ATP13A4: variants seen among roughly 807,000 people sequenced by gnomAD.
ATP13A4 encodes probable cation-transporting ATPase 13A4.
In ATP13A4, 114 loss-of-function variants were observed where a neutral mutation model predicts 142.5. That is an observed-to-expected ratio of 0.80 (90% CI 0.69 to 0.93). ATP13A4 has a LOEUF of 0.93. Ranked by LOEUF, ATP13A4 falls within the 40% of genes least tolerant of loss-of-function variation. The pLI is 0.00. For missense variants in ATP13A4, 1,392 were observed against 1,454.0 expected (o/e 0.96, Z 0.69); for synonymous variants, 488 against 514.8 (o/e 0.95, Z 0.70).
At chr3:193,531,909 T>C (rs1373277952) in intron 1 of ATP13A4, among the ~76,000 whole-genome samples, 1 of 152,222 alleles carries the variant, frequency 6.6e-6, no homozygotes, top group East Asian at 1.9e-4. Context: ...GAAACAGCTT[T>C]ACCCACTAGG....
intron 26 of ATP13A4, 47 bp downstream of exon 26, chr3:193,414,532 G>T (rs531709940): frequency 7.5e-6 from 12 of 1,601,254 alleles, no homozygotes; most frequent in Non-Finnish European, 9.4e-6. Context: ...GAGGATGTTT[G>T]ATAGAAATTA....
chr3:193,491,083 C>G (rs1380571465), intron 6 of ATP13A4, among the ~76,000 whole-genome samples: 2 of 152,126 alleles, frequency 1.3e-5, no homozygotes, highest in African/African-American at 4.8e-5. Flanking sequence ...ACATTATATT[C>G]ATCCAGCCAT....
chr3:193,417,844 C>T lies in ATP13A4; in HGVS notation c.2843-3094G>A, dbSNP rs535316585. Among the ~76,000 whole-genome samples, 254 of 147,534 alleles carry T rather than the reference C, an allele frequency of 1.7e-3. 16 individuals are homozygous for T. The highest frequency in any genetic ancestry group is 4.4e-3 in the African/African-American group (174 of 39,438). ...ACTAAAAATACAAAAAATTAGCGGC[C>T]GGGCGCGGTGGCTCACGCCTGTAAT... On this transcript the variant is annotated intron_variant, in intron 25 of 29. Transcript: ENST00000342695.
Position 193,414,706 on chromosome 3 carries a change from C to A in ATP13A4, c.2887G>T (p.Ala963Ser), listed in dbSNP as rs1311232540. Residue 963 changes from alanine to serine, a missense_variant, in exon 26 of 30, where the codon GCA (alanine) becomes TCA (serine). Coordinates refer to ENST00000342695, the MANE Select transcript of ATP13A4 (RefSeq NM_032279.4). Reference sequence around the variant, plus strand: ...AGAGGTGGAGAGATCAGCCGTCCTGCAGGTCTGAAAGGCACCAGCTTAGGG... The same window carrying A: ...AGAGGTGGAGAGATCAGCCGTCCTGAAGGTCTGAAAGGCACCAGCTTAGGG... ...AYPKLVPFRP[A>S]GRLISPPLLL... 4 of 1,614,008 alleles carry A rather than the reference C, an allele frequency of 2.5e-6. No homozygotes were observed. The African/African-American group carries it at 5.3e-5, about 22-fold the overall frequency.
intron 7 of ATP13A4, 109 bp from the exon 8 acceptor site, chr3:193,484,114 G>T: frequency 1.1e-6 from 1 of 928,620 alleles, no homozygotes; most frequent in Non-Finnish European, 1.8e-6. Flanking sequence ...ACTGCCAGTT[G>T]AATGGAATGT....
intron 1 of ATP13A4, among the ~76,000 whole-genome samples, chr3:193,590,468 T>A (rs903585889): frequency 2.0e-5 from 3 of 152,158 alleles, no homozygotes; most frequent in African/African-American, 7.2e-5. Context: ...TCTGGCCACA[T>A]TGATTCCTGA....
chr3:193,570,195 T>A (rs114929878), intron 2 of ATP13A4, among the ~76,000 whole-genome samples: 11 of 151,972 alleles, frequency 7.2e-5, no homozygotes, highest in South Asian at 2.1e-4. Context: ...CACCTGTAAT[T>A]CCGGCTACTC....
chr3:193,568,855 T>C (rs768689543), intron 2 of ATP13A4, among the ~76,000 whole-genome samples: 66 of 152,222 alleles, frequency 4.3e-4, no homozygotes, highest in Non-Finnish European at 7.6e-4. Flanking sequence ...AATATCAGTA[T>C]TGTTTTATAA....
intron 10 of ATP13A4, 71 bp downstream of exon 10, chr3:193,467,245 T>C: frequency 6.6e-7 from 1 of 1,509,588 alleles, no homozygotes; most frequent in South Asian, 1.2e-5. Flanking sequence ...CTTTACCTAA[T>C]AAATTTAAGG....
chr3:193,471,094 A>AC (rs1718595242), intron 8 of ATP13A4, 101 bp from the exon 9 acceptor site: 12 of 1,362,418 alleles, frequency 8.8e-6, no homozygotes, highest in Non-Finnish European at 1.0e-5. Flanking sequence ...CAACCAAGAC[A>AC]TTTTTTTTTT....
chr3:193,534,046 T>A (rs189342314), intron 1 of ATP13A4, among the ~76,000 whole-genome samples: 13 of 152,290 alleles, frequency 8.5e-5, no homozygotes, highest in African/African-American at 2.9e-4. Context: ...GGAACATTAG[T>A]GAGGCATTCC....
Position 193,459,185 on chromosome 3 carries a change from C to T in ATP13A4, c.1570G>A (p.Gly524Ser), listed in dbSNP as rs751255790. ...SFASGQALPW[G>S]PLCAAMASCH... The stretch of plus-strand genomic sequence containing the variant: ...CTGGCCATCGCTGCACACAGTGGGC[C>T]CCATGGCAAAGCCTGGCCTGAGGCA... Residue 524 changes from glycine to serine, a missense_variant, in exon 14 of 30, where the codon GGC (glycine) becomes AGC (serine). Transcript: ENST00000342695. 21 of 1,614,046 alleles carry T rather than the reference C, an allele frequency of 1.3e-5. No individual in the cohort carries two copies. Among genetic ancestry groups the T allele is most frequent in the Non-Finnish European group, 1.7e-5 (20 of 1,180,044 alleles).
chr3:193,529,180 G>T (rs1428993060), intron 1 of ATP13A4, among the ~76,000 whole-genome samples: 3 of 151,782 alleles, frequency 2.0e-5, no homozygotes, highest in African/African-American at 7.3e-5. Context: ...TGAGGCAGGA[G>T]AATCGCTTGA....
intron 2 of ATP13A4, among the ~76,000 whole-genome samples, chr3:193,576,430 C>A (rs1221816030): frequency 1.3e-5 from 2 of 149,916 alleles, no homozygotes; most frequent in Non-Finnish European, 3.0e-5. Context: ...CGCCACCGCG[C>A]CCGGCTAATT....
At chr3:193,493,619 TATACTC>T (rs919448970) in intron 3 of ATP13A4, among the ~76,000 whole-genome samples, 3 of 152,140 alleles carry the variant, frequency 2.0e-5, no homozygotes, top group African/African-American at 7.2e-5. Flanking sequence ...TTGGAAGACT[TATACTC>T]AGATGAGAAA....
chr3:193,518,116 T>C (rs1666210878), intron 1 of ATP13A4, among the ~76,000 whole-genome samples: 1 of 152,216 alleles, frequency 6.6e-6, no homozygotes, highest in Admixed American at 6.5e-5. Context: ...TTAAAATAAA[T>C]TAAAATGGTG....
intron 25 of ATP13A4, among the ~76,000 whole-genome samples, chr3:193,433,226 T>C (rs1444448085): frequency 6.6e-6 from 1 of 152,206 alleles, no homozygotes. Context: ...GGAACGCTGA[T>C]AGTAGCAGAG....
At chr3:193,407,530 A>G (rs945690033) in intron 28 of ATP13A4, 137 bp from the exon 29 acceptor site, 24 of 561,016 alleles carry the variant, frequency 4.3e-5, no homozygotes, top group Non-Finnish European at 7.2e-5. Context: ...CATATATCTT[A>G]TATATATAAA....
rs1717453578 is a variant in ATP13A4, at chr3:193,454,338, T to TTGAAAA, written c.1916-127_1916-126insTTTTCA. 9.5e-6 allele frequency: 7 copies of TTGAAAA among 735,834 alleles called. 1 individual carries two copies. Among genetic ancestry groups the TTGAAAA allele is most frequent in the Non-Finnish European group, 1.7e-5 (7 of 417,244 alleles). 45.6% of individuals were successfully genotyped at this position (735,834 alleles called of 1,614,324 possible). A position where few individuals can be genotyped will look rare whatever the true frequency, so the allele number is the denominator to read the frequency against. ...ACTTCTACAAAGATATGTAAACAAG[T>TTGAAAA]CAGTTGAAAATTCTAAACATAACTA... On this transcript the variant is annotated intron_variant, in intron 16 of 29. Transcript: ENST00000342695.
Sources: allele counts gnomAD v4.1 joint callset (sites outside exome capture counted in the v4.1 genomes callset), GRCh38; gene constraint gnomAD v4.1.1; transcripts MANE v1.5; gene names NCBI Gene and HGNC (gene_info 2026-07-23, HGNC 2026-07-21).